Variants in CNTLN observed in about 807,000 individuals in gnomAD.
The protein encoded by CNTLN is centlein.
In CNTLN, 212 loss-of-function variants were observed where a neutral mutation model predicts 180.0. That is an observed-to-expected ratio of 1.18 (90% CI 1.05 to 1.32). The LOEUF is 1.32. CNTLN is among the 40% of genes most tolerant of loss of function. The pLI is 0.00. For synonymous variants in CNTLN, 722 were observed against 563.1 expected, an observed-to-expected ratio of 1.28 and a Z score of -3.99; for missense variants, 2,095 against 1,610.9, an observed-to-expected ratio of 1.30 and a Z score of -5.14.
intron 2 of CNTLN, among the ~76,000 whole-genome samples, chr9:17,206,404 G>C (rs894013325): frequency 6.6e-6 from 1 of 152,130 alleles, no homozygotes; most frequent in Non-Finnish European, 1.5e-5. Flanking sequence ...TTGCAAAATC[G>C]GATGACATTA....
At chr9:17,479,539 T>G (rs1832528245) in intron 23 of CNTLN, among the ~76,000 whole-genome samples, 1 of 152,108 alleles carries the variant, frequency 6.6e-6, no homozygotes. Context: ...TTGGGGAGAC[T>G]GAGAAATGGG....
At chr9:17,469,751 C>G (rs1350719997) in intron 23 of CNTLN, among the ~76,000 whole-genome samples, 1 of 149,852 alleles carries the variant, frequency 6.7e-6, no homozygotes, top group African/African-American at 2.5e-5. Context: ...CCTCTTTGTT[C>G]TCTCCTTCAG....
intron 16 of CNTLN, among the ~76,000 whole-genome samples, chr9:17,415,058 C>G (rs1284456997): frequency 2.0e-5 from 3 of 151,754 alleles, no homozygotes; most frequent in African/African-American, 7.3e-5. Flanking sequence ...TGTACTCCAG[C>G]CTGAGTGACA....
intron 6 of CNTLN, among the ~76,000 whole-genome samples, chr9:17,295,306 C>G (rs370557573): frequency 6.6e-6 from 1 of 152,178 alleles, no homozygotes. Flanking sequence ...AAGGGCTGCT[C>G]AAGCGCCGCC....
At chr9:17,199,095 GA>G (rs1439492381) in intron 2 of CNTLN, among the ~76,000 whole-genome samples, 2 of 151,738 alleles carry the variant, frequency 1.3e-5, no homozygotes, top group East Asian at 3.9e-4. Context: ...GATCTATGAG[GA>G]ATTGCCACAC....
chr9:17,501,323 C>T (rs1393111939), intron 25 of CNTLN, among the ~76,000 whole-genome samples: 1 of 152,222 alleles, frequency 6.6e-6, no homozygotes, highest in East Asian at 1.9e-4. Flanking sequence ...GGGACTTAAA[C>T]TAGAATGCTC....
chr9:17,457,394 T>C, intron 18 of CNTLN, 130 bp from the exon 19 acceptor site: 2 of 519,216 alleles, frequency 3.9e-6, no homozygotes, highest in South Asian at 7.7e-5. Context: ...AAAGTTTGTA[T>C]AATAACTATA....
chr9:17,356,440 T>C (rs1379490405), intron 12 of CNTLN, among the ~76,000 whole-genome samples: 1 of 152,210 alleles, frequency 6.6e-6, no homozygotes, highest in Non-Finnish European at 1.5e-5. Context: ...ATTATATTCC[T>C]CTTTTCTATG....
chr9:17,370,271 A>C (rs1346422790), intron 13 of CNTLN, among the ~76,000 whole-genome samples: 1 of 152,182 alleles, frequency 6.6e-6, no homozygotes, highest in Non-Finnish European at 1.5e-5. Flanking sequence ...CAAACTCCCA[A>C]GGGTCAAGGA....
At position 17,410,061 on chromosome 9, in the gene CNTLN, A is replaced by T. The variant is rs914619010; in HGVS notation, c.2796+588A>T. 6.4e-4 allele frequency among the ~76,000 whole-genome samples: 97 copies of T among 152,134 alleles called. 1 individual carries two copies. The highest frequency in any genetic ancestry group is 2.1e-3 in the African/African-American group (88 of 41,458). On this transcript the variant is annotated intron_variant, in intron 16 of 25. Coordinates refer to ENST00000380647, the MANE Select transcript of CNTLN (RefSeq NM_017738.4). ...TTCTTTTAAAACATAATTCAAAAAC[A>T]TTTATTTTTTGAGCTCTTGCCAGCA...
intron 2 of CNTLN, among the ~76,000 whole-genome samples, chr9:17,174,772 C>A (rs886547462): frequency 6.6e-5 from 10 of 151,748 alleles, no homozygotes; most frequent in African/African-American, 2.4e-4. Context: ...TTTTATCCAG[C>A]AATGTGTGAG....
At position 17,332,717 on chromosome 9, in the gene CNTLN, C is replaced by T. The variant is rs1417710850; in HGVS notation, c.1631C>T (p.Ala544Val). The T allele has an allele frequency of 1.3e-6, 2 of 1,599,246 alleles. No homozygotes were observed. Among genetic ancestry groups the T allele is most frequent in the Admixed American group, 1.8e-5 (1 of 56,280 alleles). Residue 544 changes from alanine to valine, a missense_variant, in exon 10 of 26, where the codon GCA becomes GTA. Coordinates refer to ENST00000380647, the MANE Select transcript of CNTLN (RefSeq NM_017738.4). Reference protein sequence around the residue: ...AERKIENLEKALQLKSQENDE... With the variant: ...AERKIENLEKVLQLKSQENDE... Reference sequence around the variant, plus strand: ...AGAAAGATTGAAAACTTAGAGAAGGCACTACAACTAAAGGTGAACATTAAA... The same window carrying T: ...AGAAAGATTGAAAACTTAGAGAAGGTACTACAACTAAAGGTGAACATTAAA...
intron 6 of CNTLN, among the ~76,000 whole-genome samples, chr9:17,275,312 T>C (rs1828241497): frequency 6.6e-6 from 1 of 152,102 alleles, no homozygotes; most frequent in Admixed American, 6.6e-5. Flanking sequence ...TTCCCACCCA[T>C]TTATTGTAGT....
chr9:17,344,282 C>T (rs1381300132), intron 12 of CNTLN, among the ~76,000 whole-genome samples: 2 of 152,094 alleles, frequency 1.3e-5, no homozygotes, highest in African/African-American at 2.4e-5. Flanking sequence ...GAATTAAATG[C>T]CGTGTCATTC....
chr9:17,157,510 C>T (rs961544185), intron 2 of CNTLN, among the ~76,000 whole-genome samples: 1 of 152,160 alleles, frequency 6.6e-6, no homozygotes, highest in East Asian at 1.9e-4. Context: ...ATCAATTTGA[C>T]TGGGCCATCA....
At chr9:17,335,475 C>CCACT (rs1293057323) in intron 10 of CNTLN, among the ~76,000 whole-genome samples, 2 of 152,042 alleles carry the variant, frequency 1.3e-5, no homozygotes, top group African/African-American at 4.8e-5. Flanking sequence ...CGAGATCGTA[C>CCACT]CACTGCACTC....
At chr9:17,265,087 A>T (rs527359480) in intron 5 of CNTLN, among the ~76,000 whole-genome samples, 43 of 147,318 alleles carry the variant, frequency 2.9e-4, no homozygotes, top group African/African-American at 1.1e-3. Flanking sequence ...GTTGAATAGG[A>T]GTGGTGAGAG....
rs369582609 is a variant in CNTLN, at chr9:17,135,110, G to C, written c.45G>C (p.Ala15=). ...CCTCACCGCACCCTTCGCCCCCAGC[G>C]CGACAGCTGGGCCCCAGGTCCCCAC... is the stretch of plus-strand genomic sequence containing the variant. The part of the protein sequence containing the change: ...SPPSPHPSPP[A]RQLGPRSPRV... Residue 15 remains alanine (A), a synonymous_variant, in exon 1 of 26, where the codon GCG becomes GCC. Coordinates refer to ENST00000380647, the MANE Select transcript of CNTLN (RefSeq NM_017738.4). 2.8e-4 allele frequency: 450 copies of C among 1,606,098 alleles called. 2 individuals carry two copies. The African/African-American group carries it at 5.2e-3, about 18-fold the overall frequency.
At chr9:17,237,002 A>T (rs1246967394) in intron 5 of CNTLN, among the ~76,000 whole-genome samples, 1 of 152,120 alleles carries the variant, frequency 6.6e-6, no homozygotes, top group Non-Finnish European at 1.5e-5. Flanking sequence ...AAACAATACA[A>T]ATACGTGGTT....
Sources: gnomAD v4.1 joint callset for allele counts (sites outside exome capture counted in the v4.1 genomes callset) on GRCh38, gnomAD v4.1.1 for gene constraint, MANE v1.5 for transcripts, NCBI Gene and HGNC (gene_info 2026-07-23, HGNC 2026-07-21) for gene names.